Variants in RIMS2 observed in about 807,000 individuals in gnomAD.
RIMS2 encodes the protein regulating synaptic membrane exocytosis protein 2.
Under a neutral mutation model 174.4 loss-of-function variants are expected in RIMS2, and 59 were observed. The ratio of observed to expected loss-of-function variants is 0.34; its 90% CI spans 0.27 to 0.42. The LOEUF is 0.42. RIMS2 is among the 10% of genes least tolerant of loss of function. RIMS2 has a pLI of 1.00. For synonymous variants in RIMS2, 606 were observed against 572.5 expected (o/e 1.06, Z -0.84); for missense variants, 1,620 against 1,666.3 (o/e 0.97, Z 0.48).
intron 1 of RIMS2, among the ~76,000 whole-genome samples, chr8:103,587,575 A>G (rs770395398): frequency 6.6e-5 from 10 of 151,996 alleles, no homozygotes; most frequent in Non-Finnish European, 1.0e-4. Context: ...TCATGACAAA[A>G]TGGAATTTAT....
intron 19 of RIMS2, among the ~76,000 whole-genome samples, chr8:104,235,484 T>C (rs983735498): frequency 1.3e-5 from 2 of 152,056 alleles, no homozygotes; most frequent in African/African-American, 2.4e-5. Flanking sequence ...TTGTAAGTCA[T>C]GAAACAATAG....
chr8:103,644,621 G>A (rs2096289963), intron 1 of RIMS2, among the ~76,000 whole-genome samples: 1 of 151,122 alleles, frequency 6.6e-6, no homozygotes, highest in Admixed American at 6.6e-5. Context: ...CTAAAATATT[G>A]GCAAAAGGAG....
chr8:103,707,196 G>A (rs560757856), intron 2 of RIMS2, among the ~76,000 whole-genome samples: 1 of 152,128 alleles, frequency 6.6e-6, no homozygotes, highest in Non-Finnish European at 1.5e-5. Context: ...GAAGTTCATT[G>A]AGTATCCCCA....
intron 1 of RIMS2, among the ~76,000 whole-genome samples, chr8:103,559,659 A>G (rs975100443): frequency 6.6e-6 from 1 of 152,220 alleles, no homozygotes; most frequent in Non-Finnish European, 1.5e-5. Context: ...TAGTGCTAGC[A>G]CACTGAGGAC....
intron 5 of RIMS2, chr8:103,910,499 C>CGTAT (rs1369565903): frequency 6.3e-7 from 1 of 1,596,128 alleles, no homozygotes; most frequent in East Asian, 2.2e-5. Flanking sequence ...GTAGCACAAC[C>CGTAT]CTTAACGAGG....
intron 1 of RIMS2, among the ~76,000 whole-genome samples, chr8:103,537,697 A>C (rs901803812): frequency 1.3e-5 from 2 of 152,206 alleles, no homozygotes; most frequent in African/African-American, 4.8e-5. Flanking sequence ...AGTGAAGGGA[A>C]ATTATAATAA....
At chr8:103,709,147 T>G (rs113829206) in intron 2 of RIMS2, among the ~76,000 whole-genome samples, 1 of 152,216 alleles carries the variant, frequency 6.6e-6, no homozygotes, top group Admixed American at 6.5e-5. Flanking sequence ...GTATATTTTT[T>G]AATAATCACA....
chr8:103,796,821 G>T (rs934275795), intron 3 of RIMS2, among the ~76,000 whole-genome samples: 8 of 152,108 alleles, frequency 5.3e-5, no homozygotes, highest in Non-Finnish European at 7.4e-5. Flanking sequence ...TGTAGCTTTA[G>T]GCCTGTGCAT....
chr8:104,248,728 C>A, exon 21 of RIMS2: 1 of 1,611,960 alleles, frequency 6.2e-7, no homozygotes, highest in Admixed American at 1.7e-5. Flanking sequence ...TTCGCTTGGC[C>A]TCTGATAGCC....
intron 14 of RIMS2, among the ~76,000 whole-genome samples, chr8:103,946,533 TA>T (rs2083830297): frequency 6.6e-6 from 1 of 151,570 alleles, no homozygotes; most frequent in Admixed American, 6.6e-5. Context: ...AACAAAAAAA[TA>T]AGAATGAATT....
intron 19 of RIMS2, among the ~76,000 whole-genome samples, chr8:104,111,517 C>A (rs1372659914): frequency 6.6e-6 from 1 of 152,302 alleles, no homozygotes; most frequent in Non-Finnish European, 1.5e-5. Flanking sequence ...AAGTGATTCT[C>A]CTGCCTCAGC....
chr8:104,081,359 A>G (rs1003556220), intron 19 of RIMS2, among the ~76,000 whole-genome samples: 1 of 152,062 alleles, frequency 6.6e-6, no homozygotes, highest in Non-Finnish European at 1.5e-5. Flanking sequence ...ACATGTTTTT[A>G]TTCAAGTTAG....
intron 2 of RIMS2, among the ~76,000 whole-genome samples, chr8:103,748,854 G>A (rs926494609): frequency 6.6e-6 from 1 of 151,716 alleles, no homozygotes; most frequent in Non-Finnish European, 1.5e-5. Context: ...AAGCTGGAGC[G>A]CAATGGCATG....
intron 7 of RIMS2, among the ~76,000 whole-genome samples, chr8:103,915,810 G>A (rs997855902): frequency 6.6e-6 from 1 of 151,638 alleles, no homozygotes; most frequent in African/African-American, 2.4e-5. Flanking sequence ...TTTTCTGATT[G>A]GTGTTCTAAT....
chr8:103,653,223 A>G (rs1265092324), intron 1 of RIMS2, among the ~76,000 whole-genome samples: 1 of 152,208 alleles, frequency 6.6e-6, no homozygotes, highest in Non-Finnish European at 1.5e-5. Context: ...TAAACATTTC[A>G]TTAGGTTATG....
intron 11 of RIMS2, among the ~76,000 whole-genome samples, chr8:103,928,055 T>G (rs1467761827): frequency 2.6e-5 from 4 of 151,614 alleles, no homozygotes; most frequent in Non-Finnish European, 5.9e-5. Flanking sequence ...TGCATGGGGA[T>G]TAGAATATTG....
At chr8:103,577,800 A>G (rs936678457) in intron 1 of RIMS2, among the ~76,000 whole-genome samples, 7 of 152,234 alleles carry the variant, frequency 4.6e-5, no homozygotes, top group African/African-American at 1.2e-4. Context: ...CCTGAGAAAT[A>G]TATTTCCTGA....
At chr8:103,736,547 T>C (rs1000526623) in intron 2 of RIMS2, among the ~76,000 whole-genome samples, 1 of 152,226 alleles carries the variant, frequency 6.6e-6, no homozygotes, top group Non-Finnish European at 1.5e-5. Flanking sequence ...TTGTTTCTTT[T>C]ACCCTTACCT....
rs2096429760 is a variant in RIMS2, at chr8:103,650,413, A to G, written c.177-46673A>G. On this transcript the variant is annotated intron_variant, in intron 1 of 23. Coordinates refer to ENST00000504942, the Ensembl canonical transcript of RIMS2. ...CCAGTCAGGAGGAACAGGATCAGGG[A>G]TCTGCCTAAAGAAGCAATCAGGTGG... Among the ~76,000 whole-genome samples, 5 of 152,166 alleles carry G rather than the reference A, an allele frequency of 3.3e-5. No homozygotes were observed. The South Asian group carries it at 1.0e-3, about 31-fold the overall frequency.
Sources: gnomAD v4.1 joint callset for allele counts (sites outside exome capture counted in the v4.1 genomes callset) on GRCh38, gnomAD v4.1.1 for gene constraint, MANE v1.5 for transcripts, NCBI Gene and HGNC (gene_info 2026-07-23, HGNC 2026-07-21) for gene names.